The following RALGDS variants were observed in gnomAD, a reference collection of about 807,000 sequenced individuals.
RALGDS encodes ral guanine nucleotide exchange factor.
A neutral mutation model predicts 99.8 loss-of-function variants in RALGDS; 44 were observed. The ratio of observed to expected loss-of-function variants is 0.44; its 90% CI spans 0.35 to 0.57. The LOEUF (loss-of-function observed/expected upper bound fraction) is 0.57. Ranked by LOEUF, RALGDS falls within the 20% of genes least tolerant of loss-of-function variation. The pLI is 0.01. For synonymous variants in RALGDS, 529 were observed against 505.0 expected, an observed-to-expected ratio of 1.05 and a Z score of -0.64; for missense variants, 1,022 against 1,203.1, an observed-to-expected ratio of 0.85 and a Z score of 2.23.
Position 133,100,329 on chromosome 9 carries a change from G to A in RALGDS, c.2508C>T (p.His836=). The change falls in exon 17 of 18, where the codon CAC becomes CAT. Residue 836 remains histidine (H), a synonymous_variant. Coordinates refer to ENST00000372050, the MANE Select transcript of RALGDS (RefSeq NM_006266.4). ...PAVIRKAMDK[H]NLEEEEPEDY... ...CCTCCGGCTCCTCCTCCTCCAGGTT[G>A]TGTTTGTCCATGGCCTTGCGGATTA... 1.2e-6 allele frequency: 2 copies of A among 1,614,236 alleles called. No individual in the cohort carries two copies. Among genetic ancestry groups the A allele is most frequent in the Non-Finnish European group, 1.7e-6 (2 of 1,180,040 alleles).
chr9:133,146,662 C>T (rs1588576431), intron 1 of RALGDS, among the ~76,000 whole-genome samples: 1 of 152,208 alleles, frequency 6.6e-6, no homozygotes, highest in South Asian at 2.1e-4. Context: ...GAACACAGCA[C>T]AGGTGATGTG....
upstream of RALGDS, among the ~76,000 whole-genome samples, chr9:133,134,702 G>A (rs182566526): frequency 6.6e-6 from 1 of 151,790 alleles, no homozygotes; most frequent in East Asian, 1.9e-4. Flanking sequence ...GCCTAGGCTG[G>A]GGACTCTGAC....
chr9:133,113,605 G>A (rs1195362433), intron 1 of RALGDS, among the ~76,000 whole-genome samples: 1 of 152,194 alleles, frequency 6.6e-6, no homozygotes, highest in Non-Finnish European at 1.5e-5. Flanking sequence ...CCACTGACAG[G>A]AAAAGAGACA....
intron 4 of RALGDS, 35 bp from the exon 5 acceptor site, chr9:133,108,901 C>T (rs757191822): frequency 3.6e-5 from 56 of 1,573,160 alleles, no homozygotes; most frequent in Middle Eastern, 1.9e-4. Context: ...AGTCAGAGGC[C>T]TGGGCTCCCC....
rs1830835256 is a variant in RALGDS at position 133,102,996 on chromosome 9, T to C, written c.1792-96A>G. On this transcript the variant is annotated intron_variant, in intron 12 of 17. Transcript: ENST00000372050. Reference sequence around the variant, plus strand: ...TTGTTCTTGGGGTCCCTTCCTCCCCTCTACTCCCATCCAGGCCTTCCTGTT... The same window carrying C: ...TTGTTCTTGGGGTCCCTTCCTCCCCCCTACTCCCATCCAGGCCTTCCTGTT... 1.9e-6 allele frequency: 3 copies of C among 1,540,646 alleles called. No individual in the cohort carries two copies. The East Asian group carries it at 6.9e-5, about 35-fold the overall frequency.
At chr9:133,134,671 G>C (rs929906459), upstream of RALGDS, among the ~76,000 whole-genome samples, 1 of 152,310 alleles carries the variant, frequency 6.6e-6, no homozygotes, top group South Asian at 2.1e-4. Flanking sequence ...CCTGGGGTGG[G>C]TGGTCTGTCC....
chr9:133,141,784 A>G (rs1832527983), intron 1 of RALGDS, among the ~76,000 whole-genome samples: 1 of 152,268 alleles, frequency 6.6e-6, no homozygotes, highest in African/African-American at 2.4e-5. Context: ...AGAGGGGTAG[A>G]TGGGCCACCA....
At chr9:133,119,274 G>A (rs578248471) in intron 1 of RALGDS, among the ~76,000 whole-genome samples, 111 of 152,290 alleles carry the variant, frequency 7.3e-4, no homozygotes, top group Admixed American at 1.3e-3. Context: ...GCCCCAGGAC[G>A]GGGGGTGTTG....
In RALGDS at chr9:133,121,149, C is replaced by T. The variant is rs1442843399; in HGVS notation, c.6G>A (p.Val2=). Residue 2 remains valine, a synonymous_variant, in exon 1 of 18, where the codon GTG becomes GTA. Transcript: ENST00000372050. ...CGGCCGCCTCGGCCCACATGCGCTGCACCATGGAAGGCTCGCAGCGCGGGC... is the reference window on the plus strand; with the variant it reads ...CGGCCGCCTCGGCCCACATGCGCTGTACCATGGAAGGCTCGCAGCGCGGGC... M[V]QRMWAEAAGP... is the part of the protein sequence containing the mutation. 8.4e-6 allele frequency: 11 copies of T among 1,302,794 alleles called. No individual in the cohort carries two copies. The highest frequency in any genetic ancestry group is 7.6e-5 in the South Asian group (4 of 52,400). 80.7% of individuals were successfully genotyped at this position (1,302,794 alleles called of 1,614,324 possible). A position where few individuals can be genotyped will look rare whatever the true frequency, so the allele number is the denominator to read the frequency against.
At chr9:133,099,498 C>T (rs1482099819) in intron 17 of RALGDS, 1 of 152,912 alleles carries the variant, frequency 6.5e-6, no homozygotes, top group Non-Finnish European at 1.5e-5. Context: ...TGGTGTTCAG[C>T]TCACTGGAAA....
intron 7 of RALGDS, 30 bp downstream of exon 7, chr9:133,107,055 G>C (rs1831100321): frequency 1.2e-6 from 2 of 1,610,634 alleles, no homozygotes; most frequent in African/African-American, 1.3e-5. Context: ...TGAAGCCAAA[G>C]TGGGGGCCCA....
At position 133,100,349 on chromosome 9, in the gene RALGDS, G is replaced by A. The variant is rs1164044260; in HGVS notation, c.2488C>T (p.Arg830Cys). ...TSQDKAPAVIRKAMDKHNLEE... is the reference protein window; with the variant it reads ...TSQDKAPAVICKAMDKHNLEE... ...AGGTTGTGTTTGTCCATGGCCTTGC[G>A]GATTACAGCCGGAGCCTTATCTTGG... Residue 830 changes from arginine to cysteine, a missense_variant, in exon 17 of 18, where the codon CGC (arginine) becomes TGC (cysteine). Physicochemically the swap from Arg to Cys is radical, Grantham distance 180. Coordinates refer to ENST00000372050, the MANE Select transcript of RALGDS (RefSeq NM_006266.4). 3.1e-6 allele frequency: 5 copies of A among 1,614,196 alleles called. No individual in the cohort carries two copies. The highest frequency in any genetic ancestry group is 4.2e-6 in the Non-Finnish European group (5 of 1,180,034).
In RALGDS at chr9:133,108,323, C is replaced by G. The variant is rs1259844815; in HGVS notation, c.862G>C (p.Ala288Pro). The change falls in exon 6 of 18, where the codon GCT becomes CCT. Residue 288 changes from alanine (A) to proline (P), a missense_variant. By Grantham distance (27) the Ala-to-Pro change is conservative. Coordinates refer to ENST00000372050, the MANE Select transcript of RALGDS (RefSeq NM_006266.4). ...TPARAPSPVP[A>P]PAPEPEPAPT... ...GCTGGCTCTGGCTCCGGGGCTGGAG[C>G]CGGCACTGGGCTGGGTGCTCGAGCT... The G allele has an allele frequency of 2.6e-6, 4 of 1,544,674 alleles. No individual in the cohort carries two copies. Among genetic ancestry groups the G allele is most frequent in the Non-Finnish European group, 3.5e-6 (4 of 1,147,308 alleles).
upstream of RALGDS, among the ~76,000 whole-genome samples, chr9:133,122,477 G>A (rs1382449922): frequency 6.6e-6 from 1 of 152,146 alleles, no homozygotes; most frequent in African/African-American, 2.4e-5. Flanking sequence ...AGCACATCTT[G>A]CCCCCTTCCC....
At position 133,107,103 on chromosome 9, in the gene RALGDS, G is replaced by A; in HGVS notation, c.1395C>T (p.His465=). 6.2e-7 allele frequency: 1 copy of A among 1,613,614 alleles called. No individual in the cohort carries two copies. Among genetic ancestry groups the A allele is most frequent in the Non-Finnish European group, 8.5e-7 (1 of 1,180,044 alleles). ...KAPDRARVVE[H]WIEVARECRI... Reference sequence around the variant, plus strand: ...GGCATACCCTGGCCACCTCGATCCAGTGCTCCACCACCCTGGCCCTGTCTG... The same window carrying A: ...GGCATACCCTGGCCACCTCGATCCAATGCTCCACCACCCTGGCCCTGTCTG... Residue 465 remains histidine, a synonymous_variant, in exon 7 of 18, where the codon CAC becomes CAT. Coordinates refer to ENST00000372050, the MANE Select transcript of RALGDS (RefSeq NM_006266.4).
At chr9:133,120,058 T>C (rs1025554384) in intron 1 of RALGDS, among the ~76,000 whole-genome samples, 1 of 152,102 alleles carries the variant, frequency 6.6e-6, no homozygotes, top group Non-Finnish European at 1.5e-5. Flanking sequence ...GAGCCCCCGA[T>C]CCAGGAATGG....
At chr9:133,128,036 C>A (rs35163606) in intron 1 of RALGDS, among the ~76,000 whole-genome samples, 1 of 152,002 alleles carries the variant, frequency 6.6e-6, no homozygotes, top group Admixed American at 6.5e-5. Context: ...GGGGGAGGCA[C>A]GCAGAGGAAC....
chr9:133,116,142 G>A (rs1392491143), intron 1 of RALGDS, among the ~76,000 whole-genome samples: 1 of 152,178 alleles, frequency 6.6e-6, no homozygotes, highest in East Asian at 1.9e-4. Context: ...TCGTGTCCGT[G>A]TCCGTGACCC....
chr9:133,111,967 G>T, intron 2 of RALGDS, 75 bp downstream of exon 2: 1 of 1,109,018 alleles, frequency 9.0e-7, no homozygotes, highest in Non-Finnish European at 1.3e-6. Flanking sequence ...GATCAGAACT[G>T]GGGGCCCTCA....
Sources: gnomAD v4.1 joint callset for allele counts (sites outside exome capture counted in the v4.1 genomes callset) on GRCh38, gnomAD v4.1.1 for gene constraint, MANE v1.5 for transcripts, NCBI Gene and HGNC (gene_info 2026-07-23, HGNC 2026-07-21) for gene names.